Variants in TNIP3 observed in about 807,000 individuals in gnomAD.
TNIP3 encodes TNFAIP3-interacting protein 3.
TNIP3 carries 34 observed loss-of-function variants against 54.1 expected under a neutral mutation model. The observed-to-expected ratio is 0.63, with a 90% CI of 0.48 to 0.84. TNIP3 has a LOEUF of 0.84. Among genes scored for constraint, TNIP3 ranks in the 40% least tolerant of loss-of-function variants. The probability of loss-of-function intolerance (pLI) is 0.00; values close to 1 mark genes in which losing one functional copy is unlikely to be tolerated. For synonymous variants in TNIP3, 134 were observed against 136.8 expected (o/e 0.98, Z 0.14); for missense variants, 366 against 387.6 (o/e 0.94, Z 0.47).
At chr4:121,142,206 C>A (rs889053488) in intron 8 of TNIP3, among the ~76,000 whole-genome samples, 3 of 151,894 alleles carry the variant, frequency 2.0e-5, no homozygotes, top group Admixed American at 1.3e-4. Flanking sequence ...TTATTGAGGG[C>A]CCTCAATGAA....
intron 2 of TNIP3, among the ~76,000 whole-genome samples, chr4:121,202,540 C>A (rs1725950264): frequency 6.6e-6 from 1 of 152,094 alleles, no homozygotes; most frequent in South Asian, 2.1e-4. Flanking sequence ...GACTTCATAA[C>A]CAAGAACCCA....
At chr4:121,215,539 C>T (rs1726739290) in intron 2 of TNIP3, among the ~76,000 whole-genome samples, 1 of 152,144 alleles carries the variant, frequency 6.6e-6, no homozygotes, top group Non-Finnish European at 1.5e-5. Flanking sequence ...AAATACGTGA[C>T]TTTCCTACCA....
chr4:121,146,300 G>A (rs780203198), intron 7 of TNIP3, among the ~76,000 whole-genome samples: 11 of 152,074 alleles, frequency 7.2e-5, no homozygotes, highest in Middle Eastern at 3.4e-3. Context: ...TTTTTATGAC[G>A]AAGAATCTTG....
In TNIP3 at chr4:121,137,311, T is replaced by C. The variant is rs1488710884; in HGVS notation, c.946+1313A>G. 2.6e-5 allele frequency: 4 copies of C among 152,224 alleles called. No homozygotes were observed. The East Asian group carries it at 7.7e-4, about 29-fold the overall frequency. 9.4% of individuals were successfully genotyped at this position (152,224 alleles called of 1,614,324 possible). A position where few individuals can be genotyped will look rare whatever the true frequency, so the allele number is the denominator to read the frequency against. On this transcript the variant is annotated intron_variant, in intron 10 of 10. Transcript: ENST00000057513. ...CCATAATAGATTTTAAAATTGCATA[T>C]ATTATGCAACACACATTCCGGTTAA...
rs886159986 is a variant in TNIP3, at chr4:121,185,234, G to A, written c.69-2438C>T. ...TGCTCTTTTTCTTCCAGACACGTTTGCATCGTCAAACTTTATGGAACATGC... is the reference window on the plus strand; with the variant it reads ...TGCTCTTTTTCTTCCAGACACGTTTACATCGTCAAACTTTATGGAACATGC... On this transcript the variant is annotated intron_variant, in intron 2 of 12. Coordinates refer to the TNIP3 transcript ENST00000507879. Among the ~76,000 whole-genome samples, 4 of 152,070 alleles carry A rather than the reference G, an allele frequency of 2.6e-5. No individual in the cohort carries two copies. In the East Asian group the frequency reaches 7.7e-4, roughly 29 times the overall value.
At chr4:121,143,375 G>C (rs896891558) in intron 7 of TNIP3, among the ~76,000 whole-genome samples, 23 of 152,152 alleles carry the variant, frequency 1.5e-4, no homozygotes, top group Non-Finnish European at 8.8e-5. Context: ...TTTAGAGAAA[G>C]CTGGCTTTTC....
intron 2 of TNIP3, among the ~76,000 whole-genome samples, chr4:121,191,437 G>A (rs1725303854): frequency 1.3e-5 from 2 of 152,112 alleles, no homozygotes. Flanking sequence ...TTTATTGTTA[G>A]TTTTCTTGGA....
chr4:121,175,195 G>T (rs1724237343), intron 3 of TNIP3, among the ~76,000 whole-genome samples: 1 of 152,104 alleles, frequency 6.6e-6, no homozygotes, highest in Non-Finnish European at 1.5e-5. Flanking sequence ...ACATTAAAAG[G>T]AATACCTATC....
intron 1 of TNIP3, among the ~76,000 whole-genome samples, chr4:121,224,722 T>C (rs1398579253): frequency 1.3e-5 from 2 of 152,200 alleles, no homozygotes; most frequent in African/African-American, 4.8e-5. Flanking sequence ...TAAAATTTGA[T>C]TTTTATAGCT....
Position 121,161,231 on chromosome 4 carries a change from AAG to A in TNIP3, c.67-17_67-16del. Reference sequence around the variant, plus strand: ...GGTTCAGCACACTTAGAAAAAAAAAAAGAGAGAAGATTGAAACAAAGCTGTTT... The same window carrying A: ...GGTTCAGCACACTTAGAAAAAAAAAAAGAGAAGATTGAAACAAAGCTGTTT... On this transcript the variant is annotated splice_polypyrimidine_tract_variant and intron_variant, in intron 1 of 10. Transcript: ENST00000057513. The A allele has an allele frequency of 1.3e-6, 2 of 1,543,174 alleles. No homozygotes were observed. The highest frequency in any genetic ancestry group is 2.4e-5 in the South Asian group (2 of 82,484).
chr4:121,154,504 T>C (rs1412173557), intron 5 of TNIP3, 47 bp downstream of exon 5: 5 of 1,608,966 alleles, frequency 3.1e-6, no homozygotes, highest in Admixed American at 1.7e-5. Flanking sequence ...GAATGTTTTA[T>C]GCAGGGACTT....
chr4:121,200,054 T>C (rs1725798292), intron 2 of TNIP3, among the ~76,000 whole-genome samples: 1 of 152,176 alleles, frequency 6.6e-6, no homozygotes, highest in South Asian at 2.1e-4. Context: ...GCAGAGCCCT[T>C]ACCTGTCAAT....
At chr4:121,202,013 A>T (rs1298844539) in intron 2 of TNIP3, among the ~76,000 whole-genome samples, 2 of 152,182 alleles carry the variant, frequency 1.3e-5, no homozygotes, top group Non-Finnish European at 2.9e-5. Flanking sequence ...AGTGCAATTC[A>T]AATCAAAATA....
chr4:121,191,271 G>A (rs1330962046), intron 2 of TNIP3, among the ~76,000 whole-genome samples: 1 of 152,168 alleles, frequency 6.6e-6, no homozygotes, highest in African/African-American at 2.4e-5. Flanking sequence ...ATATTTAGGT[G>A]AAGAAAAACT....
At chr4:121,169,353 G>A (rs183585995) in intron 3 of TNIP3, among the ~76,000 whole-genome samples, 10 of 152,294 alleles carry the variant, frequency 6.6e-5, no homozygotes, top group Admixed American at 5.2e-4. Context: ...AGGTAATGGT[G>A]TAAGTGACAT....
upstream of TNIP3, among the ~76,000 whole-genome samples, chr4:121,165,037 C>T (rs976315372): frequency 4.0e-5 from 6 of 151,724 alleles, no homozygotes; most frequent in African/African-American, 1.5e-4. Flanking sequence ...GAACAGAAGA[C>T]CTCATTTTGG....
At chr4:121,155,119 C>T (rs528577505) in intron 4 of TNIP3, among the ~76,000 whole-genome samples, 12 of 152,130 alleles carry the variant, frequency 7.9e-5, no homozygotes, top group Admixed American at 6.5e-5. Flanking sequence ...CCTGCCACCA[C>T]GCCCGGCTAA....
At chr4:121,215,880 TAAAA>T (rs70948385) in intron 2 of TNIP3, among the ~76,000 whole-genome samples, 3 of 133,840 alleles carry the variant, frequency 2.2e-5, no homozygotes, top group East Asian at 2.2e-4. Context: ...GGTGCCACAT[TAAAA>T]AAAAAAAAAA....
At chr4:121,217,249 G>A (rs1307726123), upstream of TNIP3, among the ~76,000 whole-genome samples, 1 of 152,108 alleles carries the variant, frequency 6.6e-6, no homozygotes, top group African/African-American at 2.4e-5. Flanking sequence ...CATTTTAAAT[G>A]CATCTGGAAA....
Sources: allele counts gnomAD v4.1 joint callset (sites outside exome capture counted in the v4.1 genomes callset), GRCh38; gene constraint gnomAD v4.1.1; transcripts MANE v1.5; gene names NCBI Gene and HGNC (gene_info 2026-07-23, HGNC 2026-07-21).